The following RIMKLB variants were observed in gnomAD, a reference collection of about 807,000 sequenced individuals.
RIMKLB encodes the protein beta-citrylglutamate synthase B.
In RIMKLB, 7 loss-of-function variants were observed where a neutral mutation model predicts 32.0. The ratio of observed to expected loss-of-function variants is 0.22; its 90% CI spans 0.12 to 0.41. The LOEUF (loss-of-function observed/expected upper bound fraction) is 0.41. Among genes scored for constraint, RIMKLB ranks in the 10% least tolerant of loss-of-function variants. The probability of loss-of-function intolerance (pLI) is 1.00; values close to 1 mark genes in which losing one functional copy is unlikely to be tolerated. For missense variants in RIMKLB, 289 were observed against 498.7 expected (o/e 0.58, Z 4.00); for synonymous variants, 172 against 185.1 (o/e 0.93, Z 0.57).
intron 2 of RIMKLB, among the ~76,000 whole-genome samples, chr12:8,719,934 C>T (rs919462925): frequency 6.6e-6 from 1 of 152,286 alleles, no homozygotes; most frequent in Middle Eastern, 3.4e-3. Context: ...GGAGTCTGGC[C>T]TCAAGGTAGG....
At chr12:8,780,006 A>G (rs762011803), downstream of RIMKLB, 13 of 152,342 alleles carry the variant, frequency 8.5e-5, no homozygotes, top group Admixed American at 6.5e-4. Flanking sequence ...TTATATGGGC[A>G]TACAAATGCT....
intron 2 of RIMKLB, among the ~76,000 whole-genome samples, chr12:8,733,675 C>G (rs1339737128): frequency 6.6e-6 from 1 of 152,144 alleles, no homozygotes; most frequent in Non-Finnish European, 1.5e-5. Context: ...GAGTTCAAGA[C>G]CAGCCTGGGC....
chr12:8,769,369 C>A (rs981517959), intron 5 of RIMKLB, among the ~76,000 whole-genome samples: 1 of 151,744 alleles, frequency 6.6e-6, no homozygotes, highest in Non-Finnish European at 1.5e-5. Context: ...GATATATACT[C>A]TGGTCAGGAG....
At chr12:8,715,263 T>A (rs1944731297) in intron 2 of RIMKLB, among the ~76,000 whole-genome samples, 1 of 147,454 alleles carries the variant, frequency 6.8e-6, no homozygotes, top group African/African-American at 2.6e-5. Flanking sequence ...AGGGTCTTTG[T>A]CACCAGGCTG....
At chr12:8,712,260 C>T (rs965949272) in intron 1 of RIMKLB, among the ~76,000 whole-genome samples, 2 of 151,930 alleles carry the variant, frequency 1.3e-5, no homozygotes, top group African/African-American at 4.8e-5. Context: ...GCAACCTTTC[C>T]GCCTTCTGGA....
intron 5 of RIMKLB, among the ~76,000 whole-genome samples, chr12:8,771,944 A>G (rs1477743885): frequency 1.3e-5 from 2 of 152,176 alleles, no homozygotes; most frequent in Non-Finnish European, 2.9e-5. Flanking sequence ...GCTGGAGTGC[A>G]GTGGCACAAT....
chr12:8,716,633 C>T (rs1047664145), intron 2 of RIMKLB, among the ~76,000 whole-genome samples: 2 of 148,656 alleles, frequency 1.3e-5, no homozygotes, highest in African/African-American at 4.9e-5. Flanking sequence ...ATCAGCTCTC[C>T]TGTGAGAGAG....
chr12:8,772,237 ATTAC>A (rs904109366), intron 5 of RIMKLB, among the ~76,000 whole-genome samples: 2 of 152,144 alleles, frequency 1.3e-5, no homozygotes, highest in Non-Finnish European at 2.9e-5. Context: ...TGCTTTGCAT[ATTAC>A]TTGATTTTCT....
chr12:8,698,339 G>C (rs1202932563), intron 1 of RIMKLB, 42 bp downstream of exon 1: 2 of 222,778 alleles, frequency 9.0e-6, no homozygotes, highest in Non-Finnish European at 1.9e-5. Flanking sequence ...GTAGAGCAGT[G>C]AGGCGAAGGC....
chr12:8,671,035 T>C, the RIMKLB span, among the ~76,000 whole-genome samples: 2 of 152,244 alleles, frequency 1.3e-5, no homozygotes, highest in African/African-American at 4.8e-5. Flanking sequence ...ACCAAGTCCC[T>C]AGGCTGCACA....
chr12:8,731,313 G>A (rs1946524400), intron 2 of RIMKLB, among the ~76,000 whole-genome samples: 1 of 151,746 alleles, frequency 6.6e-6, no homozygotes, highest in African/African-American at 2.4e-5. Context: ...GGCCAGGCTG[G>A]TCTCAAACTC....
chr12:8,701,569 T>G (rs1049143599), intron 1 of RIMKLB, among the ~76,000 whole-genome samples: 1 of 152,158 alleles, frequency 6.6e-6, no homozygotes. Context: ...TTTGTTTTTT[T>G]TCTAACTTTG....
rs1950609683 is a variant in RIMKLB, at chr12:8,774,423, TGAAATG to T, written c.*646_*651del. The T allele has an allele frequency of 3.0e-6, 3 of 985,634 alleles. No homozygotes were observed. Among genetic ancestry groups the T allele is most frequent in the South Asian group, 4.7e-5 (1 of 21,286 alleles). The allele number at this position is 985,634 out of a possible 1,614,324, so 61.1% of individuals were successfully genotyped here. A position where few individuals can be genotyped will look rare whatever the true frequency, so the allele number is the denominator to read the frequency against. On this transcript the variant is annotated 3_prime_UTR_variant, in exon 6 of 6. Coordinates refer to ENST00000535829, the MANE Select transcript of RIMKLB (RefSeq NM_001297776.2). ...TGACAAAATTGGCATGTTTGCATGATGAAATGGAAATGAACAGTATTGCAATGTCCG... is the reference window on the plus strand; with the variant it reads ...TGACAAAATTGGCATGTTTGCATGATGAAATGAACAGTATTGCAATGTCCG...
chr12:8,685,657 C>CTT (rs551297743), intron 1 of RIMKLB, among the ~76,000 whole-genome samples: 2 of 144,328 alleles, frequency 1.4e-5, no homozygotes, highest in Non-Finnish European at 3.0e-5. Flanking sequence ...TCATTTCTTA[C>CTT]TTTTTTTTTT....
intron 1 of RIMKLB, among the ~76,000 whole-genome samples, chr12:8,688,492 G>T (rs1176826115): frequency 6.6e-6 from 1 of 152,114 alleles, no homozygotes; most frequent in Admixed American, 6.6e-5. Context: ...AAGAAGAGCA[G>T]AAAGAAAAAC....
At chr12:8,738,943 C>A (rs1349693111) in intron 2 of RIMKLB, among the ~76,000 whole-genome samples, 1 of 151,884 alleles carries the variant, frequency 6.6e-6, no homozygotes, top group Non-Finnish European at 1.5e-5. Flanking sequence ...AAGGACAGTT[C>A]CTTCTCTGTG....
chr12:8,736,585 A>T (rs1437965615), intron 2 of RIMKLB, among the ~76,000 whole-genome samples: 2 of 143,712 alleles, frequency 1.4e-5, no homozygotes, highest in Non-Finnish European at 3.0e-5. Context: ...GTGTGATCAC[A>T]GCTCACTGCA....
chr12:8,702,452 C>A (rs1469177606), intron 1 of RIMKLB, among the ~76,000 whole-genome samples: 1 of 152,138 alleles, frequency 6.6e-6, no homozygotes, highest in Non-Finnish European at 1.5e-5. Context: ...AAACTTGTTC[C>A]TTTCTTAAAT....
At chr12:8,722,118 T>C (rs954765814) in intron 2 of RIMKLB, among the ~76,000 whole-genome samples, 1 of 152,026 alleles carries the variant, frequency 6.6e-6, no homozygotes, top group Non-Finnish European at 1.5e-5. Flanking sequence ...CGAGATCTTT[T>C]AGAGGAATCA....
Sources: gnomAD v4.1 joint callset for allele counts (sites outside exome capture counted in the v4.1 genomes callset) on GRCh38, gnomAD v4.1.1 for gene constraint, MANE v1.5 for transcripts, NCBI Gene and HGNC (gene_info 2026-07-23, HGNC 2026-07-21) for gene names.